Variants in CNTNAP2 observed in about 807,000 individuals in gnomAD.
The protein encoded by CNTNAP2 is contactin-associated protein-like 2.
CNTNAP2 carries 98 observed loss-of-function variants against 155.2 expected under a neutral mutation model. The observed-to-expected ratio is 0.63, with a 90% CI of 0.54 to 0.75. The LOEUF is 0.75. CNTNAP2 is among the 30% of genes least tolerant of loss of function. CNTNAP2 has a pLI of 0.00. For missense variants in CNTNAP2, 1,727 were observed against 1,688.1 expected (o/e 1.02, Z -0.40); for synonymous variants, 651 against 631.2 (o/e 1.03, Z -0.47).
At chr7:147,873,529 C>T (rs117921080) in intron 13 of CNTNAP2, among the ~76,000 whole-genome samples, 1,671 of 152,236 alleles carry the variant, frequency 0.011, 88 homozygotes, top group Admixed American at 0.091. Context: ...AGGAACAGCA[C>T]AGGAAAAACC....
At chr7:146,678,114 T>G (rs1800435358) in intron 1 of CNTNAP2, among the ~76,000 whole-genome samples, 1 of 152,060 alleles carries the variant, frequency 6.6e-6, no homozygotes, top group South Asian at 2.1e-4. Flanking sequence ...CAGGCTGGAG[T>G]AGGAGTACAG....
intron 8 of CNTNAP2, among the ~76,000 whole-genome samples, chr7:147,195,034 A>G (rs1034092892): frequency 6.6e-6 from 1 of 151,886 alleles, no homozygotes; most frequent in East Asian, 1.9e-4. Flanking sequence ...GGTTTTCTTC[A>G]AGGGTTTTTA....
intron 15 of CNTNAP2, among the ~76,000 whole-genome samples, chr7:148,058,007 C>A: frequency 6.8e-6 from 1 of 146,338 alleles, no homozygotes; most frequent in Non-Finnish European, 1.5e-5. Flanking sequence ...TTGCTTTTGA[C>A]AAAGTGAACT....
chr7:147,311,600 C>T (rs1795128199), intron 9 of CNTNAP2, among the ~76,000 whole-genome samples: 1 of 152,088 alleles, frequency 6.6e-6, no homozygotes, highest in South Asian at 2.1e-4. Flanking sequence ...AGGGCCCTTC[C>T]TTAGTAGCCA....
intron 8 of CNTNAP2, among the ~76,000 whole-genome samples, chr7:147,142,582 G>T (rs907299569): frequency 2.4e-4 from 36 of 152,008 alleles, no homozygotes; most frequent in African/African-American, 8.5e-4. Flanking sequence ...GATGATGCTG[G>T]CCTCATAAAA....
intron 8 of CNTNAP2, among the ~76,000 whole-genome samples, chr7:147,180,159 A>G (rs1802425453): frequency 6.6e-6 from 1 of 152,200 alleles, no homozygotes; most frequent in Admixed American, 6.5e-5. Flanking sequence ...AGCTGCCATC[A>G]CCCATGTTCA....
At chr7:146,804,342 T>C (rs1021489182) in intron 2 of CNTNAP2, among the ~76,000 whole-genome samples, 18 of 152,210 alleles carry the variant, frequency 1.2e-4, no homozygotes, top group African/African-American at 4.1e-4. Flanking sequence ...GTAAATTTAT[T>C]CTGTCATCAG....
intron 1 of CNTNAP2, among the ~76,000 whole-genome samples, chr7:146,766,845 C>T (rs961332686): frequency 4.6e-5 from 7 of 152,000 alleles, no homozygotes; most frequent in African/African-American, 7.2e-5. Flanking sequence ...CTGCCTCATT[C>T]GGGCTCACCC....
intron 2 of CNTNAP2, among the ~76,000 whole-genome samples, chr7:146,785,629 G>T (rs1045209920): frequency 1.3e-5 from 2 of 152,138 alleles, no homozygotes; most frequent in Non-Finnish European, 2.9e-5. Flanking sequence ...GGTCACTGTC[G>T]TAGCCAATTG....
intron 1 of CNTNAP2, among the ~76,000 whole-genome samples, chr7:146,427,665 A>T (rs997582089): frequency 3.3e-5 from 5 of 152,210 alleles, no homozygotes; most frequent in African/African-American, 9.6e-5. Context: ...TCTTTTGCCT[A>T]TAGTTACATA....
chr7:146,347,766 A>G (rs768859388), intron 1 of CNTNAP2, among the ~76,000 whole-genome samples: 32 of 152,112 alleles, frequency 2.1e-4, no homozygotes, highest in Non-Finnish European at 3.8e-4. Flanking sequence ...GAGTTTCACC[A>G]TGTTGGCCAG....
chr7:146,642,666 A>G lies in CNTNAP2; in HGVS notation c.98-131605A>G, dbSNP rs1250128856. On this transcript the variant is annotated intron_variant, in intron 1 of 23. Coordinates refer to ENST00000361727, the MANE Select transcript of CNTNAP2 (RefSeq NM_014141.6). ...CAGCATGATTTATAGTCCTTTGGGT[A>G]TATACCCAGTAATGGGATGGCTGGG... is the stretch of plus-strand genomic sequence containing the variant. 4.6e-5 allele frequency among the ~76,000 whole-genome samples: 7 copies of G among 152,060 alleles called. No individual in the cohort carries two copies. In the East Asian group the frequency reaches 7.8e-4, roughly 17 times the overall value.
At chr7:147,532,568 C>G (rs1157988430) in intron 11 of CNTNAP2, among the ~76,000 whole-genome samples, 2 of 152,174 alleles carry the variant, frequency 1.3e-5, no homozygotes, top group Admixed American at 6.5e-5. Context: ...GGTATCTTTT[C>G]AGCAGCGCCC....
chr7:147,590,924 C>A (rs1800724263), intron 12 of CNTNAP2, among the ~76,000 whole-genome samples: 1 of 152,194 alleles, frequency 6.6e-6, no homozygotes, highest in Non-Finnish European at 1.5e-5. Context: ...AACCTCTACA[C>A]CTCCTCCCCT....
At chr7:148,023,450 T>C (rs1304452278) in intron 15 of CNTNAP2, among the ~76,000 whole-genome samples, 1 of 152,230 alleles carries the variant, frequency 6.6e-6, no homozygotes, top group Non-Finnish European at 1.5e-5. Context: ...TCCATGTTTC[T>C]TTTTATTTCT....
chr7:147,097,138 T>G (rs2129276010), intron 4 of CNTNAP2, among the ~76,000 whole-genome samples: 1 of 152,324 alleles, frequency 6.6e-6, no homozygotes, highest in Middle Eastern at 3.4e-3. Flanking sequence ...ACCAACTAAT[T>G]TAGCTTTCAG....
intron 8 of CNTNAP2, among the ~76,000 whole-genome samples, chr7:147,243,658 T>C (rs1803991769): frequency 3.3e-5 from 5 of 152,214 alleles, no homozygotes; most frequent in Admixed American, 3.3e-4. Context: ...TGCTTAACAA[T>C]GCAAAATTTG....
intron 9 of CNTNAP2, among the ~76,000 whole-genome samples, chr7:147,328,931 C>A (rs35862642): frequency 0.19 from 29,345 of 152,044 alleles, 3,137 homozygotes; most frequent in Non-Finnish European, 0.24. Flanking sequence ...AGTTAACTAG[C>A]TTTTCCTTCA....
chr7:147,434,791 G>A lies in CNTNAP2; in HGVS notation c.1670+39011G>A, dbSNP rs543695630. Among the ~76,000 whole-genome samples, 7 of 152,284 alleles carry A rather than the reference G, an allele frequency of 4.6e-5. No individual in the cohort carries two copies. The East Asian group carries it at 5.8e-4, about 13-fold the overall frequency. ...AAGTCACAGCACTTTAAGTAAGTTC[G>A]CCATGGTCTGCTATGCTGCGCAGAC... On this transcript the variant is annotated intron_variant, in intron 10 of 23. Coordinates refer to ENST00000361727, the MANE Select transcript of CNTNAP2 (RefSeq NM_014141.6).
Sources: allele counts gnomAD v4.1 joint callset (sites outside exome capture counted in the v4.1 genomes callset), GRCh38; gene constraint gnomAD v4.1.1; transcripts MANE v1.5; gene names NCBI Gene and HGNC (gene_info 2026-07-23, HGNC 2026-07-21).